LUZP2: variants seen among roughly 807,000 people sequenced by gnomAD.
LUZP2 encodes leucine zipper protein 2.
LUZP2 carries 52 observed loss-of-function variants against 51.6 expected under a neutral mutation model. The observed-to-expected ratio is 1.01, with a 90% CI of 0.81 to 1.27. The LOEUF (loss-of-function observed/expected upper bound fraction) is 1.27, where lower values mean the gene tolerates loss of function less well. Among genes scored for constraint, LUZP2 ranks in the 50% most tolerant of loss-of-function variants. The pLI is 0.00. For missense variants in LUZP2, 436 were observed against 395.4 expected, an observed-to-expected ratio of 1.10 and a Z score of -0.87; for synonymous variants, 154 against 137.3, an observed-to-expected ratio of 1.12 and a Z score of -0.85.
intron 5 of LUZP2, among the ~76,000 whole-genome samples, chr11:24,899,720 T>C (rs74373488): frequency 2.0e-5 from 3 of 152,064 alleles, no homozygotes; most frequent in South Asian, 2.1e-4. Context: ...ATTATAATGT[T>C]AAAAGGGGCA....
At position 24,568,957 on chromosome 11, in the gene LUZP2, G is replaced by A. The variant is rs559803711; in HGVS notation, c.62+71652G>A. On this transcript the variant is annotated intron_variant, in intron 1 of 11. Coordinates refer to ENST00000336930, the MANE Select transcript of LUZP2 (RefSeq NM_001009909.4). ...ATTAAAAGCAATGTGTAAACCTTAA[G>A]GGAAAAATAAATAAAATCAGACATA... Among the ~76,000 whole-genome samples, 3 of 151,772 alleles carry A rather than the reference G, an allele frequency of 2.0e-5. No homozygotes were observed. In the East Asian group the frequency reaches 5.8e-4, roughly 29 times the overall value.
chr11:24,823,812 C>T (rs780277136), intron 5 of LUZP2, among the ~76,000 whole-genome samples: 6 of 152,094 alleles, frequency 3.9e-5, no homozygotes, highest in African/African-American at 7.2e-5. Context: ...ACCTGTAATC[C>T]GAGCACTTTG....
At chr11:24,514,820 G>GTGAGGGC (rs1850415319) in intron 1 of LUZP2, among the ~76,000 whole-genome samples, 1 of 152,172 alleles carries the variant, frequency 6.6e-6, no homozygotes, top group South Asian at 2.1e-4. Flanking sequence ...AGTCCTTGAG[G>GTGAGGGC]TGAGGGCTGT....
At chr11:25,056,018 T>C (rs1858676259) in intron 10 of LUZP2, among the ~76,000 whole-genome samples, 1 of 152,130 alleles carries the variant, frequency 6.6e-6, no homozygotes, top group African/African-American at 2.4e-5. Context: ...ACAAAAAACC[T>C]CAATAAGTAT....
At chr11:24,862,852 C>G (rs995082395) in intron 5 of LUZP2, among the ~76,000 whole-genome samples, 1 of 151,998 alleles carries the variant, frequency 6.6e-6, no homozygotes, top group African/African-American at 2.4e-5. Context: ...AGAAATCTTC[C>G]AATTCAAAAA....
At chr11:24,529,734 A>T (rs1850936945) in intron 1 of LUZP2, among the ~76,000 whole-genome samples, 1 of 151,052 alleles carries the variant, frequency 6.6e-6, no homozygotes. Flanking sequence ...ATGATTGTTT[A>T]ATTAAGTTAG....
chr11:24,958,165 G>A (rs1267961245), intron 7 of LUZP2, among the ~76,000 whole-genome samples: 2 of 152,070 alleles, frequency 1.3e-5, no homozygotes, highest in Non-Finnish European at 2.9e-5. Context: ...TTGGACATTT[G>A]GGTTGGTTCC....
chr11:24,687,811 T>C (rs1409940553), intron 1 of LUZP2, among the ~76,000 whole-genome samples: 1 of 152,162 alleles, frequency 6.6e-6, no homozygotes, highest in African/African-American at 2.4e-5. Context: ...TTTGAATCAA[T>C]TAGATTAGTG....
chr11:24,569,819 A>T (rs1185563220), intron 1 of LUZP2, among the ~76,000 whole-genome samples: 1 of 152,050 alleles, frequency 6.6e-6, no homozygotes, highest in African/African-American at 2.4e-5. Context: ...AAAATGGAAT[A>T]GTATGGGGAA....
At chr11:24,589,585 G>A (rs1000231906) in intron 1 of LUZP2, among the ~76,000 whole-genome samples, 1 of 152,252 alleles carries the variant, frequency 6.6e-6, no homozygotes, top group East Asian at 1.9e-4. Context: ...GAATACACTC[G>A]AAGGAATTGA....
chr11:24,798,211 TA>T (rs111373522), intron 5 of LUZP2, among the ~76,000 whole-genome samples: 96,771 of 149,824 alleles, frequency 0.65, 31,916 homozygotes, highest in South Asian at 0.75. Context: ...TCTTTTTTTT[TA>T]TTATTTATGT....
At chr11:24,581,204 A>C (rs1033091881) in intron 1 of LUZP2, among the ~76,000 whole-genome samples, 17 of 151,982 alleles carry the variant, frequency 1.1e-4, no homozygotes, top group African/African-American at 3.1e-4. Context: ...GGCCAAAAAA[A>C]AAAAAAAAAA....
chr11:24,839,223 A>G (rs1477018016), intron 5 of LUZP2, among the ~76,000 whole-genome samples: 1 of 151,648 alleles, frequency 6.6e-6, no homozygotes, highest in Non-Finnish European at 1.5e-5. Flanking sequence ...ATGATTCTCC[A>G]GGAACCCCAT....
intron 9 of LUZP2, among the ~76,000 whole-genome samples, chr11:25,015,371 A>G (rs1329239788): frequency 6.6e-6 from 1 of 152,192 alleles, no homozygotes; most frequent in Admixed American, 6.5e-5. Context: ...GCATTTGTAC[A>G]ATACTATTAC....
At chr11:24,891,650 G>A (rs551290659) in intron 5 of LUZP2, 34 of 750,036 alleles carry the variant, frequency 4.5e-5, no homozygotes, top group South Asian at 6.1e-5. Context: ...TATCTATCTC[G>A]ACAGAATTCT....
intron 1 of LUZP2, among the ~76,000 whole-genome samples, chr11:24,602,280 A>ATATATGTATATATATG (rs1491119402): frequency 2.4e-5 from 2 of 84,034 alleles, no homozygotes; most frequent in Admixed American, 1.3e-4. Flanking sequence ...ATACATATAT[A>ATATATGTATATATATG]CACACATATA....
At chr11:25,055,893 A>G (rs549724092) in intron 10 of LUZP2, among the ~76,000 whole-genome samples, 2 of 152,304 alleles carry the variant, frequency 1.3e-5, no homozygotes, top group South Asian at 2.1e-4. Context: ...GTTGCTTAAT[A>G]TAACTCATCC....
chr11:24,926,501 A>ATGTG (rs369388590), intron 7 of LUZP2, among the ~76,000 whole-genome samples: 11 of 135,652 alleles, frequency 8.1e-5, no homozygotes, highest in East Asian at 6.3e-4. Flanking sequence ...ATGTGTATAT[A>ATGTG]TGTGTGTGTA....
At chr11:24,925,536 C>CAG (rs1854200356) in intron 7 of LUZP2, among the ~76,000 whole-genome samples, 1 of 152,062 alleles carries the variant, frequency 6.6e-6, no homozygotes, top group South Asian at 2.1e-4. Flanking sequence ...CAAAAGCCTA[C>CAG]TAGCCTCACT....
Sources: gnomAD v4.1 joint callset for allele counts (sites outside exome capture counted in the v4.1 genomes callset) on GRCh38, gnomAD v4.1.1 for gene constraint, MANE v1.5 for transcripts, NCBI Gene and HGNC (gene_info 2026-07-23, HGNC 2026-07-21) for gene names.